Variants in CTNND2 observed in about 807,000 individuals in gnomAD.
The protein encoded by CTNND2 is catenin delta 2.
Under a neutral mutation model 144.4 loss-of-function variants are expected in CTNND2, and 22 were observed. That is an observed-to-expected ratio of 0.15 (90% confidence interval 0.11 to 0.22). CTNND2 has a LOEUF of 0.22. Ranked by LOEUF, CTNND2 falls within the 10% of genes least tolerant of loss-of-function variation. CTNND2 has a pLI of 1.00. For synonymous variants in CTNND2, 751 were observed against 695.6 expected (o/e 1.08, Z -1.25); for missense variants, 1,353 against 1,618.8 (o/e 0.84, Z 2.82).
At chr5:11,043,370 A>T (rs992155127) in intron 16 of CTNND2, among the ~76,000 whole-genome samples, 2 of 152,210 alleles carry the variant, frequency 1.3e-5, no homozygotes, top group Non-Finnish European at 2.9e-5. Flanking sequence ...TACTCTACCC[A>T]GGATTCCAGC....
intron 12 of CTNND2, among the ~76,000 whole-genome samples, chr5:11,125,320 T>C (rs1467764192): frequency 6.6e-6 from 1 of 152,208 alleles, no homozygotes; most frequent in Non-Finnish European, 1.5e-5. Context: ...GGCTCATCCC[T>C]TTGATTTGTA....
chr5:11,394,428 A>G (rs1215134206), intron 6 of CTNND2, among the ~76,000 whole-genome samples: 1 of 152,162 alleles, frequency 6.6e-6, no homozygotes, highest in Non-Finnish European at 1.5e-5. Context: ...GGGGTGACCT[A>G]CACAACTTAT....
chr5:11,622,419 C>T (rs1780893617), intron 2 of CTNND2, among the ~76,000 whole-genome samples: 1 of 152,010 alleles, frequency 6.6e-6, no homozygotes, highest in African/African-American at 2.4e-5. Context: ...ATAGGTTTTG[C>T]AATAAACACA....
At chr5:11,704,615 G>A (rs902315503) in intron 2 of CTNND2, among the ~76,000 whole-genome samples, 1 of 151,980 alleles carries the variant, frequency 6.6e-6, no homozygotes, top group East Asian at 2.0e-4. Flanking sequence ...TGGTCCTGGA[G>A]GGCTCCTCGA....
chr5:11,279,010 G>A (rs917442013), intron 9 of CTNND2, among the ~76,000 whole-genome samples: 13 of 152,114 alleles, frequency 8.5e-5, no homozygotes, highest in South Asian at 2.1e-4. Context: ...GTAGACTAGC[G>A]TATAGACTGG....
At chr5:11,437,470 G>C (rs61755482) in intron 3 of CTNND2, among the ~76,000 whole-genome samples, 14 of 152,354 alleles carry the variant, frequency 9.2e-5, no homozygotes, top group Non-Finnish European at 1.9e-4. Flanking sequence ...ATCAGAAAGA[G>C]TGTTGGGAAC....
chr5:11,608,625 A>T (rs1031882392), intron 2 of CTNND2, among the ~76,000 whole-genome samples: 1 of 152,054 alleles, frequency 6.6e-6, no homozygotes, highest in African/African-American at 2.4e-5. Context: ...CACTTCACAT[A>T]ATCTCTACTG....
At chr5:11,586,032 T>C (rs548135194) in intron 2 of CTNND2, among the ~76,000 whole-genome samples, 2 of 152,292 alleles carry the variant, frequency 1.3e-5, no homozygotes, top group South Asian at 2.1e-4. Context: ...GAGGCCCTTG[T>C]TGGCCACTGC....
chr5:11,465,392 T>C (rs1490167741), intron 3 of CTNND2, among the ~76,000 whole-genome samples: 1 of 151,988 alleles, frequency 6.6e-6, no homozygotes, highest in Admixed American at 6.6e-5. Context: ...TTATTGTGGA[T>C]AGAGATGCAA....
chr5:11,570,083 C>G (rs978321847), intron 2 of CTNND2, among the ~76,000 whole-genome samples: 4 of 152,164 alleles, frequency 2.6e-5, no homozygotes, highest in African/African-American at 9.7e-5. Context: ...AAGTTAAGAA[C>G]TTGGAGTTTT....
rs1479621 is a variant in CTNND2, at chr5:11,462,908, G to T, written c.288-50839C>A. ...TCAGAAGCTGCCTCGGCCTCATGTG[G>T]ACTTGGCACGGATGCCCTCCTGTCC... On this transcript the variant is annotated intron_variant, in intron 3 of 21. Transcript: ENST00000304623. 7.7e-3 allele frequency among the ~76,000 whole-genome samples: 1,176 copies of T among 151,916 alleles called. 11 individuals carry two copies. Among genetic ancestry groups the T allele is most frequent in the African/African-American group, 0.02 (847 of 41,420 alleles).
chr5:11,240,617 AAC>A (rs1215723022), intron 9 of CTNND2, among the ~76,000 whole-genome samples: 10 of 129,406 alleles, frequency 7.7e-5, no homozygotes, highest in East Asian at 2.5e-4. Flanking sequence ...CACACACCCC[AAC>A]ACAGACGTAC....
chr5:11,348,235 G>A (rs906590472), intron 8 of CTNND2, among the ~76,000 whole-genome samples: 1 of 152,008 alleles, frequency 6.6e-6, no homozygotes, highest in African/African-American at 2.4e-5. Context: ...AAGTCCTTGA[G>A]GATTTATCGT....
chr5:11,098,843 A>G, intron 14 of CTNND2, 95 bp from the exon 15 acceptor site: 2 of 1,166,510 alleles, frequency 1.7e-6, no homozygotes, highest in South Asian at 1.4e-5. Flanking sequence ...ACAAAAGCAG[A>G]GTGCTATCAC....
intron 9 of CTNND2, among the ~76,000 whole-genome samples, chr5:11,309,152 A>AGTTCTCAATG (rs1367186304): frequency 2.6e-5 from 4 of 152,158 alleles, no homozygotes; most frequent in African/African-American, 9.7e-5. Flanking sequence ...ACCCGCACAG[A>AGTTCTCAATG]GTTCTCAATG....
intron 2 of CTNND2, among the ~76,000 whole-genome samples, chr5:11,717,107 A>C (rs1205134214): frequency 6.6e-6 from 1 of 151,638 alleles, no homozygotes; most frequent in Non-Finnish European, 1.5e-5. Flanking sequence ...ACCTCAGGTG[A>C]TCCACCCACC....
chr5:11,570,563 G>A (rs1406533917), intron 2 of CTNND2, among the ~76,000 whole-genome samples: 1 of 152,090 alleles, frequency 6.6e-6, no homozygotes, highest in African/African-American at 2.4e-5. Context: ...TTGAGACAGT[G>A]ATTTTTTGCT....
chr5:11,411,532 T>C lies in CTNND2; in HGVS notation c.439+4A>G, dbSNP rs368409249. ...TCTTCAAGCATAACTGCCACGTGAC[T>C]TACTTTCACCTGTAGAATAATCCTG... On this transcript the variant is annotated splice_donor_region_variant and intron_variant, in intron 5 of 21. Coordinates refer to ENST00000304623, the MANE Select transcript of CTNND2 (RefSeq NM_001332.4). 4 of 1,486,198 alleles carry C rather than the reference T, an allele frequency of 2.7e-6. No individual in the cohort carries two copies. The highest frequency in any genetic ancestry group is 3.7e-6 in the Non-Finnish European group (4 of 1,069,164). The allele number at this position is 1,486,198 out of a possible 1,614,324, so 92.1% of individuals were successfully genotyped here. A position where few individuals can be genotyped will look rare whatever the true frequency, so the allele number is the denominator to read the frequency against.
intron 3 of CTNND2, among the ~76,000 whole-genome samples, chr5:11,416,724 T>C (rs1427724581): frequency 6.6e-6 from 1 of 152,194 alleles, no homozygotes; most frequent in Non-Finnish European, 1.5e-5. Flanking sequence ...CATAATTCAA[T>C]TTAATATAAT....
Sources: allele counts gnomAD v4.1 joint callset (sites outside exome capture counted in the v4.1 genomes callset), GRCh38; gene constraint gnomAD v4.1.1; transcripts MANE v1.5; gene names NCBI Gene and HGNC (gene_info 2026-07-23, HGNC 2026-07-21).